The following SOX5 variants were observed in gnomAD, a reference collection of about 807,000 sequenced individuals.
SOX5 encodes the protein SRY-box transcription factor 5.
Under a neutral mutation model 92.0 loss-of-function variants are expected in SOX5, and 9 were observed. That is an observed-to-expected ratio of 0.10 (90% CI 0.06 to 0.17). SOX5 has a LOEUF of 0.17. Ranked by LOEUF, SOX5 falls within the 10% of genes least tolerant of loss-of-function variation. The probability of loss-of-function intolerance (pLI) is 1.00; values close to 1 mark genes in which losing one functional copy is unlikely to be tolerated. For synonymous variants in SOX5, 344 were observed against 336.3 expected, an observed-to-expected ratio of 1.02 and a Z score of -0.25; for missense variants, 642 against 944.5, an observed-to-expected ratio of 0.68 and a Z score of 4.20.
intron 1 of SOX5, among the ~76,000 whole-genome samples, chr12:23,942,168 T>A (rs1388519026): frequency 6.6e-6 from 1 of 151,878 alleles, no homozygotes; most frequent in African/African-American, 2.4e-5. Flanking sequence ...AAGTATTACT[T>A]TTTTATCTTG....
At chr12:23,795,526 T>G (rs1211136879) in intron 3 of SOX5, among the ~76,000 whole-genome samples, 1 of 152,120 alleles carries the variant, frequency 6.6e-6, no homozygotes, top group Non-Finnish European at 1.5e-5. Flanking sequence ...AAATTGAGCA[T>G]CAGATCGAGC....
At chr12:23,776,404 G>T (rs550933923) in intron 3 of SOX5, among the ~76,000 whole-genome samples, 1 of 152,172 alleles carries the variant, frequency 6.6e-6, no homozygotes, top group Non-Finnish European at 1.5e-5. Flanking sequence ...ACTGAGGAAG[G>T]CAAGAAATTT....
In SOX5 at chr12:24,339,691, G is replaced by A. The variant is rs373786223; in HGVS notation, c.-174+28872C>T. Among the ~76,000 whole-genome samples the A allele has an allele frequency of 2.5e-4, 38 of 152,286 alleles. No homozygotes were observed. In the East Asian group the frequency reaches 3.1e-3, roughly 12 times the overall value. Reference sequence around the variant, plus strand: ...TACATCAGTATAGCCAAAAAATGTTGGTAACTCACACTAGAATTACAGTGG... The same window carrying A: ...TACATCAGTATAGCCAAAAAATGTTAGTAACTCACACTAGAATTACAGTGG... On this transcript the variant is annotated intron_variant, in intron 2 of 4. Coordinates refer to the SOX5 transcript ENST00000446891.
At chr12:23,926,224 CT>C (rs1449141010) in intron 1 of SOX5, among the ~76,000 whole-genome samples, 2 of 152,048 alleles carry the variant, frequency 1.3e-5, no homozygotes, top group Non-Finnish European at 2.9e-5. Flanking sequence ...AGTGGTACAT[CT>C]CCTAAGAAGA....
intron 1 of SOX5, among the ~76,000 whole-genome samples, chr12:24,409,850 C>CT (rs1383004909): frequency 6.6e-6 from 1 of 152,142 alleles, no homozygotes; most frequent in African/African-American, 2.4e-5. Context: ...TTGGATTTCT[C>CT]TTTTTTACTA....
At chr12:24,495,300 A>G (rs1446982858) in intron 1 of SOX5, among the ~76,000 whole-genome samples, 1 of 152,202 alleles carries the variant, frequency 6.6e-6, no homozygotes, top group African/African-American at 2.4e-5. Flanking sequence ...TTAGAAACTT[A>G]ATCTAATCAA....
At chr12:24,438,420 T>TA (rs1342819068) in intron 1 of SOX5, among the ~76,000 whole-genome samples, 1 of 151,990 alleles carries the variant, frequency 6.6e-6, no homozygotes, top group African/African-American at 2.4e-5. Flanking sequence ...CCCCAGGACT[T>TA]AAAGTATAGT....
chr12:23,615,369 C>T (rs979977315), intron 8 of SOX5, among the ~76,000 whole-genome samples: 4 of 151,860 alleles, frequency 2.6e-5, no homozygotes, highest in Admixed American at 1.3e-4. Flanking sequence ...AATTTTAGGT[C>T]CAGGGGTACA....
At chr12:23,963,791 G>T (rs541767327) in intron 4 of SOX5, among the ~76,000 whole-genome samples, 2 of 144,964 alleles carry the variant, frequency 1.4e-5, no homozygotes, top group South Asian at 4.3e-4. Context: ...AAACTGGAAG[G>T]CTATATATTC....
At chr12:23,891,544 CTCT>C (rs1261742648) in intron 2 of SOX5, among the ~76,000 whole-genome samples, 1 of 152,170 alleles carries the variant, frequency 6.6e-6, no homozygotes, top group African/African-American at 2.4e-5. Context: ...CCCAGCATCT[CTCT>C]TCTTTATTTA....
intron 1 of SOX5, among the ~76,000 whole-genome samples, chr12:24,407,020 C>A (rs1026291372): frequency 6.6e-6 from 1 of 151,938 alleles, no homozygotes; most frequent in South Asian, 2.1e-4. Flanking sequence ...AGGACTTAAG[C>A]GGCCTTGCAA....
chr12:24,271,140 A>G (rs1266297643), intron 3 of SOX5, among the ~76,000 whole-genome samples: 2 of 152,206 alleles, frequency 1.3e-5, no homozygotes, highest in African/African-American at 2.4e-5. Flanking sequence ...CAAGCCCTTG[A>G]TGAGTGTTGC....
At position 23,585,786 on chromosome 12, in the gene SOX5, G is replaced by A. The variant is rs139849115; in HGVS notation, c.1165-9948C>T. Among the ~76,000 whole-genome samples, 1,232 of 152,232 alleles carry A rather than the reference G, an allele frequency of 8.1e-3. 8 individuals carry two copies. The highest frequency in any genetic ancestry group is 0.041 in the Middle Eastern group (12 of 294). On this transcript the variant is annotated intron_variant, in intron 9 of 14. Coordinates refer to ENST00000451604, the MANE Select transcript of SOX5 (RefSeq NM_006940.6). ...GATAAGCAAGCTAGAAGTTTGCATA[G>A]GTAAATGCCGGCAGCTATGTCAGAA...
Position 24,362,081 on chromosome 12 carries a change from TG to T in SOX5, c.-174+6481del. 2.0e-5 allele frequency among the ~76,000 whole-genome samples: 3 copies of T among 152,282 alleles called. 1 individual carries two copies. The East Asian group carries it at 5.8e-4, about 29-fold the overall frequency. ...TTCCTCTAGAGGGTTTGATGGTGGG[TG>T]GGTAAGTCAACTATGCAGCTAAGTC... On this transcript the variant is annotated intron_variant, in intron 2 of 4. Transcript: ENST00000446891.
At chr12:24,543,988 T>C (rs555730828) in intron 1 of SOX5, among the ~76,000 whole-genome samples, 3 of 152,208 alleles carry the variant, frequency 2.0e-5, no homozygotes, top group Non-Finnish European at 2.9e-5. Flanking sequence ...AAGACATCTA[T>C]ATACTGGTTC....
At chr12:24,509,083 A>T (rs1949065741) in intron 1 of SOX5, among the ~76,000 whole-genome samples, 1 of 152,236 alleles carries the variant, frequency 6.6e-6, no homozygotes. Flanking sequence ...AAAGATAAGT[A>T]GCAGCGTGAT....
chr12:24,073,049 AT>A (rs1004794775), intron 4 of SOX5, among the ~76,000 whole-genome samples: 8 of 152,056 alleles, frequency 5.3e-5, no homozygotes, highest in Non-Finnish European at 1.2e-4. Flanking sequence ...CAAAACAAAG[AT>A]TTTTTTTCTG....
At chr12:24,353,192 C>T (rs1421364530) in intron 2 of SOX5, among the ~76,000 whole-genome samples, 2 of 152,156 alleles carry the variant, frequency 1.3e-5, no homozygotes, top group East Asian at 1.9e-4. Flanking sequence ...ATTGCCAGGA[C>T]GCTGTGTCAA....
intron 1 of SOX5, among the ~76,000 whole-genome samples, chr12:23,942,254 T>C (rs907675366): frequency 2.6e-5 from 4 of 151,858 alleles, no homozygotes; most frequent in Non-Finnish European, 4.4e-5. Context: ...TTTTATTAGA[T>C]AAATATAAAA....
Sources: gnomAD v4.1 joint callset for allele counts (sites outside exome capture counted in the v4.1 genomes callset) on GRCh38, gnomAD v4.1.1 for gene constraint, MANE v1.5 for transcripts, NCBI Gene and HGNC (gene_info 2026-07-23, HGNC 2026-07-21) for gene names.